Variants in PCDHGB3 observed in about 807,000 individuals in gnomAD.
The protein encoded by PCDHGB3 is protocadherin gamma subfamily B, 3.
PCDHGB3 carries 40 observed loss-of-function variants against 59.2 expected under a neutral mutation model. The observed-to-expected ratio is 0.68, with a 90% confidence interval of 0.52 to 0.88. The LOEUF is 0.88. Among genes scored for constraint, PCDHGB3 ranks in the 40% least tolerant of loss-of-function variants. The pLI is 0.00. For synonymous variants in PCDHGB3, 581 were observed against 503.6 expected, an observed-to-expected ratio of 1.15 and a Z score of -2.06; for missense variants, 1,309 against 1,187.9, an observed-to-expected ratio of 1.10 and a Z score of -1.50.
intron 3 of PCDHGB3, 89 bp downstream of exon 3, chr5:141,505,570 C>G: frequency 6.3e-7 from 1 of 1,598,162 alleles, no homozygotes; most frequent in Admixed American, 1.7e-5. Context: ...GACTGGATGT[C>G]AAACCTGTGT....
Position 141,380,147 on chromosome 5 carries a change from G to A in PCDHGB3, c.2415+7338G>A, listed in dbSNP as rs191814510. On this transcript the variant is annotated intron_variant, in intron 1 of 3. Transcript: ENST00000576222. ...ACTCCTGACCTTAAGTGATCCACCC[G>A]CCTCAGCCTCTCAAAGGGCTGGGAT... Among the ~76,000 whole-genome samples the A allele has an allele frequency of 2.4e-3, 365 of 152,108 alleles. 1 individual carries two copies. Among genetic ancestry groups the A allele is most frequent in the Non-Finnish European group, 4.5e-3 (306 of 67,982 alleles).
chr5:141,385,665 A>G (rs2090316911), intron 1 of PCDHGB3: 1 of 462,016 alleles, frequency 2.2e-6, no homozygotes, highest in Admixed American at 5.1e-5. Flanking sequence ...AGCAGGAATA[A>G]AACACACCTC....
intron 1 of PCDHGB3, chr5:141,424,442 T>C (rs2096821583): frequency 6.6e-6 from 1 of 152,244 alleles, no homozygotes; most frequent in South Asian, 2.1e-4. Context: ...AATTGAATTA[T>C]TGAACTGGTA....
At chr5:141,375,062 C>G in intron 1 of PCDHGB3, 1 of 1,613,996 alleles carries the variant, frequency 6.2e-7, no homozygotes, top group Non-Finnish European at 8.5e-7. Flanking sequence ...TGGGCCAGGT[C>G]TTCGAGACAG....
Position 141,372,417 on chromosome 5 carries a change from C to G in PCDHGB3, c.2023C>G (p.Leu675Val). The part of the protein sequence containing the change: ...ADSLQEIQPD[L>V]SDRPTPSDPQ... ...TAGCTTGCAAGAGATACAACCTGACCTTAGCGACCGCCCCACTCCCTCTGA... is the reference window on the plus strand; with the variant it reads ...TAGCTTGCAAGAGATACAACCTGACGTTAGCGACCGCCCCACTCCCTCTGA... Residue 675 changes from leucine to valine, a missense_variant, in exon 1 of 4, where the codon CTT (leucine) becomes GTT (valine). Leu to Val is a conservative substitution (Grantham distance 32). Coordinates refer to ENST00000576222, the MANE Select transcript of PCDHGB3 (RefSeq NM_018924.5). The G allele has an allele frequency of 6.2e-7, 1 of 1,614,062 alleles. No individual in the cohort carries two copies. Among genetic ancestry groups the G allele is most frequent in the Non-Finnish European group, 8.5e-7 (1 of 1,179,902 alleles).
rs530001704 is a variant in PCDHGB3, at chr5:141,434,708, ATC to A, written c.2416-60095_2416-60094del. 3.9e-3 allele frequency among the ~76,000 whole-genome samples: 589 copies of A among 152,052 alleles called. 6 individuals are homozygous for A. The highest frequency in any genetic ancestry group is 0.011 in the Admixed American group (170 of 15,250). ...TTGCTGTTAATAAATATGTGGGTAA[ATC>A]TCTGTTCAGGGCTCTCAGCTCTGAA... On this transcript the variant is annotated intron_variant, in intron 1 of 3. Coordinates refer to ENST00000576222, the MANE Select transcript of PCDHGB3 (RefSeq NM_018924.5).
chr5:141,480,152 C>G (rs2099513323), intron 1 of PCDHGB3, among the ~76,000 whole-genome samples: 1 of 151,928 alleles, frequency 6.6e-6, no homozygotes, highest in African/African-American at 2.4e-5. Context: ...TAGCCAGCTC[C>G]TAGCATTTTG....
chr5:141,500,051 C>A (rs991931153), intron 2 of PCDHGB3, among the ~76,000 whole-genome samples: 1 of 151,988 alleles, frequency 6.6e-6, no homozygotes, highest in Non-Finnish European at 1.5e-5. Context: ...TATCTTAATG[C>A]TCTTTTAATG....
chr5:141,418,647 G>C, intron 1 of PCDHGB3: 1 of 1,614,034 alleles, frequency 6.2e-7, no homozygotes, highest in Non-Finnish European at 8.5e-7. Flanking sequence ...TCCATCCTGA[G>C]AGTGAAGGCC....
intron 1 of PCDHGB3, chr5:141,391,563 A>T (rs545672465): frequency 5.3e-5 from 8 of 152,322 alleles, no homozygotes; most frequent in Admixed American, 2.0e-4. Context: ...TTCCATATGC[A>T]TAAGAAAATA....
chr5:141,472,779 A>C (rs908169292), intron 1 of PCDHGB3, among the ~76,000 whole-genome samples: 5 of 152,012 alleles, frequency 3.3e-5, no homozygotes, highest in Non-Finnish European at 7.4e-5. Context: ...TGAGGTTGGG[A>C]GTTCAAGATC....
chr5:141,483,648 TTGTG>T (rs111458813), intron 1 of PCDHGB3, among the ~76,000 whole-genome samples: 10 of 149,592 alleles, frequency 6.7e-5, no homozygotes, highest in Non-Finnish European at 1.0e-4. Flanking sequence ...GGGTGTGTGT[TTGTG>T]TGTGTGTGTG....
chr5:141,395,077 A>G (rs2093162583), intron 1 of PCDHGB3: 3 of 1,614,024 alleles, frequency 1.9e-6, no homozygotes, highest in Non-Finnish European at 2.5e-6. Flanking sequence ...ACCTATTCCC[A>G]GGAAGTCTCC....
rs369794418 is a variant in PCDHGB3, at chr5:141,497,143, G to A, written c.2474+2278G>A. Among the ~76,000 whole-genome samples the A allele has an allele frequency of 7.3e-5, 11 of 150,108 alleles. No individual in the cohort carries two copies. In the East Asian group the frequency reaches 1.6e-3, roughly 21 times the overall value. On this transcript the variant is annotated intron_variant, in intron 2 of 3. Coordinates refer to ENST00000576222, the MANE Select transcript of PCDHGB3 (RefSeq NM_018924.5). ...AGAGGTTGCAGTGAGCTGAGATCAC[G>A]AAAAAAAAATAATCTAGCCACAAAT...
In PCDHGB3 at chr5:141,477,080, A is replaced by G; in HGVS notation, c.2416-17727A>G. 1.9e-6 allele frequency: 3 copies of G among 1,614,254 alleles called. No homozygotes were observed. The highest frequency in any genetic ancestry group is 2.5e-6 in the Non-Finnish European group (3 of 1,180,042). ...GGACACCAAACTCCATGAGATTTAC[A>G]TCCAGGCCAAAGACAAGGGCGCCAA... On this transcript the variant is annotated intron_variant, in intron 1 of 3. Coordinates refer to ENST00000576222, the MANE Select transcript of PCDHGB3 (RefSeq NM_018924.5). The surrounding 1 kb of genome is among the most constrained non-coding windows in gnomAD (Gnocchi z 4.9).
chr5:141,389,496 CCAGCGCT>C, intron 1 of PCDHGB3: 1 of 1,613,068 alleles, frequency 6.2e-7, no homozygotes, highest in Non-Finnish European at 8.5e-7. Context: ...CCAGGGCTCG[CCAGCGCT>C]CAGCGCGAAC....
rs932721053 is a variant in PCDHGB3 at position 141,398,645 on chromosome 5, C to G, written c.2415+25836C>G. 1.3e-5 allele frequency: 21 copies of G among 1,613,938 alleles called. No homozygotes were observed. In the Admixed American group the frequency reaches 3.3e-4, roughly 26 times the overall value. The stretch of plus-strand genomic sequence containing the variant: ...AACTCTCTGCAGAAGTATAAACTCT[C>G]TCTTAACCCAAGTTTCTCATTAATA... On this transcript the variant is annotated intron_variant, in intron 1 of 3. Coordinates refer to ENST00000576222, the MANE Select transcript of PCDHGB3 (RefSeq NM_018924.5).
At chr5:141,419,548 G>C in intron 1 of PCDHGB3, 1 of 1,611,976 alleles carries the variant, frequency 6.2e-7, no homozygotes, top group Non-Finnish European at 8.5e-7. Context: ...CGCGGGTGCT[G>C]TACCCTGCGC....
Position 141,437,358 on chromosome 5 carries a change from T to C in PCDHGB3, c.2416-57449T>C, listed in dbSNP as rs115917828. ...CTTCACTGTTTTATAGTACCTAAAATTGGAATGTAATCAGTCAGAAGACAT... is the reference window on the plus strand; with the variant it reads ...CTTCACTGTTTTATAGTACCTAAAACTGGAATGTAATCAGTCAGAAGACAT... On this transcript the variant is annotated intron_variant, in intron 1 of 3. Coordinates refer to ENST00000576222, the MANE Select transcript of PCDHGB3 (RefSeq NM_018924.5). 4.6e-3 allele frequency among the ~76,000 whole-genome samples: 702 copies of C among 152,356 alleles called. 4 individuals carry two copies. Among genetic ancestry groups the C allele is most frequent in the African/African-American group, 0.015 (639 of 41,574 alleles).
Sources: gnomAD v4.1 joint callset for allele counts (sites outside exome capture counted in the v4.1 genomes callset) on GRCh38, gnomAD v4.1.1 for gene constraint, Gnocchi (gnomAD v3.1) non-coding constraint, MANE v1.5 for transcripts, NCBI Gene and HGNC (gene_info 2026-07-23, HGNC 2026-07-21) for gene names.